BMAL2: variants seen among roughly 807,000 people sequenced by gnomAD.
BMAL2 encodes the protein basic helix-loop-helix ARNT-like protein 2.
the BMAL2 span, chr12:27,420,377 C>T: frequency 6.2e-7 from 1 of 1,613,732 alleles, no homozygotes; most frequent in Non-Finnish European, 8.5e-7. Flanking sequence ...CTTACACAGG[C>T]CTGTATTTTA....
At chr12:27,406,413 G>T in the BMAL2 span, among the ~76,000 whole-genome samples, 13 of 152,212 alleles carry the variant, frequency 8.5e-5, no homozygotes, top group African/African-American at 3.1e-4. Flanking sequence ...AACTCTACAG[G>T]CCAGAAGAGA....
chr12:27,360,705 G>A, the BMAL2 span, among the ~76,000 whole-genome samples: 2 of 140,202 alleles, frequency 1.4e-5, no homozygotes, highest in South Asian at 4.5e-4. Flanking sequence ...ACAGATTTGT[G>A]TACATTTTCT....
At chr12:27,401,258 G>A in the BMAL2 span, 20 of 1,613,172 alleles carry the variant, frequency 1.2e-5, no homozygotes, top group East Asian at 4.2e-4. Flanking sequence ...TGAAACCAGG[G>A]CAACAGCGAT....
the BMAL2 span, among the ~76,000 whole-genome samples, chr12:27,371,778 G>C: frequency 1.3e-5 from 2 of 152,012 alleles, no homozygotes; most frequent in African/African-American, 4.8e-5. Flanking sequence ...CCACTATTAA[G>C]TGTACAATTA....
the BMAL2 span, among the ~76,000 whole-genome samples, chr12:27,354,770 TCTC>T: frequency 1.3e-5 from 2 of 152,168 alleles, no homozygotes; most frequent in African/African-American, 2.4e-5. Context: ...CTGACACACT[TCTC>T]CTAAACATTT....
chr12:27,357,217 T>C, the BMAL2 span, among the ~76,000 whole-genome samples: 1 of 152,220 alleles, frequency 6.6e-6, no homozygotes, highest in African/African-American at 2.4e-5. Flanking sequence ...TAAACATGCA[T>C]GTGCAAATAT....
At chr12:27,390,173 C>A in the BMAL2 span, 2 of 1,613,624 alleles carry the variant, frequency 1.2e-6, no homozygotes, top group Middle Eastern at 1.6e-4. Context: ...TTTTTTCTGT[C>A]GGATAAAGAG....
the BMAL2 span, among the ~76,000 whole-genome samples, chr12:27,357,617 A>G: frequency 6.6e-6 from 1 of 152,218 alleles, no homozygotes; most frequent in South Asian, 2.1e-4. Context: ...ACTTCACACT[A>G]TACTATTAGG....
chr12:27,386,115 A>G, the BMAL2 span, among the ~76,000 whole-genome samples: 1 of 152,098 alleles, frequency 6.6e-6, no homozygotes, highest in African/African-American at 2.4e-5. Context: ...AATTAAATAG[A>G]AGGATTCTTC....
chr12:27,357,526 A>T, the BMAL2 span, among the ~76,000 whole-genome samples: 1 of 152,180 alleles, frequency 6.6e-6, no homozygotes, highest in Non-Finnish European at 1.5e-5. Flanking sequence ...CCTGAAATTC[A>T]TATGGAGCCA....
At chr12:27,385,615 T>C in the BMAL2 span, 4 of 1,207,334 alleles carry the variant, frequency 3.3e-6, no homozygotes, top group East Asian at 4.7e-5. Context: ...GCTGTTTGAA[T>C]AGGAGGCAGA....
chr12:27,395,666 A>G, the BMAL2 span, among the ~76,000 whole-genome samples: 8 of 152,202 alleles, frequency 5.3e-5, no homozygotes, highest in Non-Finnish European at 1.2e-4. Flanking sequence ...ACACATTTAT[A>G]GAAGAGGTAG....
chr12:27,343,332 T>C, the BMAL2 span, among the ~76,000 whole-genome samples: 7 of 152,254 alleles, frequency 4.6e-5, 1 homozygote, highest in South Asian at 2.1e-4. Context: ...TGAAAAGATA[T>C]ACAGATGTAT....
At chr12:27,380,990 AAG>A in the BMAL2 span, among the ~76,000 whole-genome samples, 6 of 151,604 alleles carry the variant, frequency 4.0e-5, no homozygotes, top group African/African-American at 7.3e-5. Flanking sequence ...AAAAAAAAAA[AAG>A]TTCTGAAGTA....
the BMAL2 span, among the ~76,000 whole-genome samples, chr12:27,337,443 A>G: frequency 6.6e-6 from 1 of 152,116 alleles, no homozygotes; most frequent in Non-Finnish European, 1.5e-5. Context: ...GATATGTCCT[A>G]TACTCAATTA....
the BMAL2 span, chr12:27,333,037 C>A: frequency 2.5e-6 from 3 of 1,193,792 alleles, no homozygotes; most frequent in African/African-American, 1.6e-5. Flanking sequence ...ATGCTGCCAG[C>A]CGCGGGGCTG....
At chr12:27,403,822 T>C in the BMAL2 span, among the ~76,000 whole-genome samples, 1 of 152,126 alleles carries the variant, frequency 6.6e-6, no homozygotes, top group African/African-American at 2.4e-5. Context: ...GTAAGAATTG[T>C]CCTGTTCCTT....
At chr12:27,397,201 A>G in the BMAL2 span, among the ~76,000 whole-genome samples, 1 of 151,884 alleles carries the variant, frequency 6.6e-6, no homozygotes, top group Non-Finnish European at 1.5e-5. Flanking sequence ...CTCCCAAGTA[A>G]CTGGGACTAC....
chr12:27,416,799 G>T, the BMAL2 span, among the ~76,000 whole-genome samples: 2 of 151,910 alleles, frequency 1.3e-5, no homozygotes, highest in Admixed American at 1.3e-4. Flanking sequence ...TTCTAAAAAA[G>T]ATTTTTTAAA....
Sources: gnomAD v4.1 joint callset for allele counts (sites outside exome capture counted in the v4.1 genomes callset) on GRCh38, gnomAD v4.1.1 for gene constraint, MANE v1.5 for transcripts, NCBI Gene and HGNC (gene_info 2026-07-23, HGNC 2026-07-21) for gene names.